LIMK1: variants seen among roughly 807,000 people sequenced by gnomAD.
The protein encoded by LIMK1 is LIM motif-containing protein kinase.
In LIMK1, 21 loss-of-function variants were observed where a neutral mutation model predicts 77.6. The ratio of observed to expected loss-of-function variants is 0.27; its 90% confidence interval spans 0.19 to 0.39. LIMK1 has a LOEUF of 0.39. Ranked by LOEUF, LIMK1 falls within the 10% of genes least tolerant of loss-of-function variation. The pLI is 1.00. For synonymous variants in LIMK1, 358 were observed against 370.0 expected, an observed-to-expected ratio of 0.97 and a Z score of 0.37; for missense variants, 696 against 901.6, an observed-to-expected ratio of 0.77 and a Z score of 2.92.
At chr7:74,113,560 G>A (rs1264558699) in intron 12 of LIMK1, among the ~76,000 whole-genome samples, 2 of 152,036 alleles carry the variant, frequency 1.3e-5, no homozygotes, top group African/African-American at 4.8e-5. Context: ...AGGAGGCAGA[G>A]GTTGTAGTGA....
At chr7:74,111,796 G>C in intron 11 of LIMK1, 89 bp downstream of exon 11, 1 of 1,445,802 alleles carries the variant, frequency 6.9e-7, no homozygotes, top group Non-Finnish European at 9.7e-7. Flanking sequence ...AGAGGGCAGA[G>C]GGGGTCGATG....
At chr7:74,116,862 C>T (rs559764983) in intron 13 of LIMK1, among the ~76,000 whole-genome samples, 87 of 151,934 alleles carry the variant, frequency 5.7e-4, no homozygotes, top group African/African-American at 1.7e-3. Context: ...ACACCACACC[C>T]AGCTAATTTT....
intron 4 of LIMK1, 120 bp from the exon 5 acceptor site, chr7:74,098,912 C>CA (rs34911416): frequency 6.4e-3 from 3,753 of 583,106 alleles, no homozygotes; most frequent in African/African-American, 9.3e-3. Flanking sequence ...GACTCCATCT[C>CA]AAAAAAAAAA....
intron 10 of LIMK1, 104 bp downstream of exon 10, chr7:74,109,140 G>A: frequency 1.1e-6 from 1 of 887,062 alleles, no homozygotes; most frequent in Non-Finnish European, 1.8e-6. Flanking sequence ...AAGCCACAGG[G>A]GTCTCAAAGG....
intron 8 of LIMK1, among the ~76,000 whole-genome samples, chr7:74,107,587 G>A (rs1261142796): frequency 6.6e-6 from 1 of 151,842 alleles, no homozygotes; most frequent in African/African-American, 2.4e-5. Context: ...GGAGGCTTAG[G>A]CAGGAGGATT....
intron 2 of LIMK1, among the ~76,000 whole-genome samples, chr7:74,089,784 C>A (rs978762909): frequency 6.6e-6 from 1 of 152,058 alleles, no homozygotes; most frequent in Non-Finnish European, 1.5e-5. Flanking sequence ...TCAGAAAAAA[C>A]GGCCGCCTCG....
intron 2 of LIMK1, among the ~76,000 whole-genome samples, chr7:74,088,801 C>CAAAA (rs145728454): frequency 7.5e-5 from 5 of 67,034 alleles, no homozygotes; most frequent in Non-Finnish European, 8.6e-5. Flanking sequence ...GACTCCATCT[C>CAAAA]AAAAAAAAAA....
At position 74,111,644 on chromosome 7, in the gene LIMK1, C is replaced by T; in HGVS notation, c.1285-4C>T. 6.2e-7 allele frequency: 1 copy of T among 1,611,938 alleles called. No homozygotes were observed. The highest frequency in any genetic ancestry group is 8.5e-7 in the Non-Finnish European group (1 of 1,179,062). On this transcript the variant is annotated splice_polypyrimidine_tract_variant and splice_region_variant and intron_variant, in intron 10 of 15. Transcript: ENST00000336180. Reference sequence around the variant, plus strand: ...CCACCCTGGCCATTCTTTCTCCATCCCAGGACAGCCAGTACCCATGGAGCC... The same window carrying T: ...CCACCCTGGCCATTCTTTCTCCATCTCAGGACAGCCAGTACCCATGGAGCC...
At chr7:74,099,574 T>A (rs1204743490) in intron 5 of LIMK1, among the ~76,000 whole-genome samples, 5 of 151,352 alleles carry the variant, frequency 3.3e-5, no homozygotes, top group African/African-American at 1.2e-4. Flanking sequence ...CTACTAAAAA[T>A]ACAAACGTAG....
intron 10 of LIMK1, chr7:74,110,015 A>G (rs1799662830): frequency 6.6e-6 from 1 of 152,078 alleles, no homozygotes; most frequent in African/African-American, 2.4e-5. Flanking sequence ...TGCTAGGTGT[A>G]ACTTGACACA....
chr7:74,098,515 G>C (rs193115281), intron 4 of LIMK1, among the ~76,000 whole-genome samples: 1 of 152,134 alleles, frequency 6.6e-6, no homozygotes, highest in East Asian at 1.9e-4. Flanking sequence ...GGCTGGGCAC[G>C]CACAGTTCCT....
intron 5 of LIMK1, 35 bp from the exon 6 acceptor site, chr7:74,105,840 G>T: frequency 6.6e-7 from 1 of 1,525,900 alleles, no homozygotes; most frequent in South Asian, 1.1e-5. Flanking sequence ...CTGAGGGACA[G>T]GTGGGCACTG....
At chr7:74,090,927 AT>A (rs560265707) in intron 2 of LIMK1, among the ~76,000 whole-genome samples, 14 of 149,886 alleles carry the variant, frequency 9.3e-5, no homozygotes, top group African/African-American at 3.2e-4. Flanking sequence ...TATTAAAGCG[AT>A]TTTTTTTTTG....
chr7:74,090,781 T>C (rs810533), intron 2 of LIMK1, among the ~76,000 whole-genome samples: 147,240 of 152,258 alleles, frequency 0.97, 71,206 homozygotes, highest in Middle Eastern at 0.98. Flanking sequence ...TGATTTCCAC[T>C]TTCCTGGCCC....
chr7:74,093,965 G>A (rs1554695171), intron 2 of LIMK1: 1 of 152,296 alleles, frequency 6.6e-6, no homozygotes, highest in Non-Finnish European at 1.5e-5. Context: ...CATCCGCAAA[G>A]GTTCACTGAG....
rs11321792 is a variant in LIMK1 at position 74,107,679 on chromosome 7, CAA to C, written c.1066-176_1066-175del. 5.2e-3 allele frequency among the ~76,000 whole-genome samples: 658 copies of C among 126,432 alleles called. 2 individuals are homozygous for C. The highest frequency in any genetic ancestry group is 0.011 in the African/African-American group (371 of 32,882). 82.9% of individuals were successfully genotyped at this position (126,432 alleles called of 152,430 possible). ...TGGGCAATAGAGCAAGACCCCATCT[CAA>C]AAAAAAAAAAAAAAAGACAAGGGAT... On this transcript the variant is annotated intron_variant, in intron 8 of 15. Coordinates refer to ENST00000336180, the MANE Select transcript of LIMK1 (RefSeq NM_002314.4).
At chr7:74,106,944 G>A (rs782801112) in intron 7 of LIMK1, 66 bp from the exon 8 acceptor site, 7 of 1,425,468 alleles carry the variant, frequency 4.9e-6, no homozygotes, top group Non-Finnish European at 6.6e-6. Context: ...GGAGGAGGAA[G>A]GGGCAGGGCC....
At position 74,096,582 on chromosome 7, in the gene LIMK1, G is replaced by A. The variant is rs782377235; in HGVS notation, c.153-40G>A. On this transcript the variant is annotated intron_variant, in intron 2 of 15. Transcript: ENST00000336180. ...GCAGGGGCCCAGGTGAGGTGGAGGA[G>A]GGCGGGAGTGGACGTCTCAGCCCGG... The A allele has an allele frequency of 5.0e-6, 8 of 1,613,088 alleles. No homozygotes were observed. In the South Asian group the frequency reaches 6.6e-5, roughly 13 times the overall value.
intron 13 of LIMK1, among the ~76,000 whole-genome samples, chr7:74,118,588 A>G (rs1271192233): frequency 6.6e-6 from 1 of 151,744 alleles, no homozygotes; most frequent in Non-Finnish European, 1.5e-5. Flanking sequence ...CATCTCTACT[A>G]AAAATACAAA....
Sources: allele counts gnomAD v4.1 joint callset (sites outside exome capture counted in the v4.1 genomes callset), GRCh38; gene constraint gnomAD v4.1.1; transcripts MANE v1.5; gene names NCBI Gene and HGNC (gene_info 2026-07-23, HGNC 2026-07-21).